The following PPFIA2 variants were observed in gnomAD, a reference collection of about 807,000 sequenced individuals.
The protein encoded by PPFIA2 is PPFI scaffold protein A2.
PPFIA2 carries 46 observed loss-of-function variants against 175.5 expected under a neutral mutation model. The ratio of observed to expected loss-of-function variants is 0.26; its 90% CI spans 0.21 to 0.34. The LOEUF is 0.34. PPFIA2 is among the 10% of genes least tolerant of loss of function. PPFIA2 has a pLI of 1.00. For synonymous variants in PPFIA2, 568 were observed against 511.4 expected (o/e 1.11, Z -1.49); for missense variants, 1,179 against 1,506.1 (o/e 0.78, Z 3.60).
At chr12:81,281,495 A>C (rs986558235) in intron 26 of PPFIA2, 45 bp from the exon 27 acceptor site, 19 of 1,356,190 alleles carry the variant, frequency 1.4e-5, no homozygotes, top group Non-Finnish European at 1.5e-5. Context: ...CAATCAGATA[A>C]GATGGTAATT....
chr12:81,637,944 TAATAA>T (rs1490533414), intron 4 of PPFIA2, among the ~76,000 whole-genome samples: 2 of 152,176 alleles, frequency 1.3e-5, no homozygotes, highest in Non-Finnish European at 2.9e-5. Flanking sequence ...CGAGATATAA[TAATAA>T]AATACTTACT....
At chr12:81,747,930 A>C (rs1284545632) in intron 3 of PPFIA2, among the ~76,000 whole-genome samples, 1 of 144,524 alleles carries the variant, frequency 6.9e-6, no homozygotes, top group Non-Finnish European at 1.6e-5. Context: ...CTGGTATTTT[A>C]AAATGCTCAG....
At chr12:81,477,491 G>C (rs2057630563) in intron 4 of PPFIA2, among the ~76,000 whole-genome samples, 1 of 152,178 alleles carries the variant, frequency 6.6e-6, no homozygotes, top group South Asian at 2.1e-4. Context: ...GGTCTTCAAA[G>C]GGAATGCTTC....
At chr12:81,280,649 C>A (rs2041877371) in intron 27 of PPFIA2, among the ~76,000 whole-genome samples, 1 of 152,026 alleles carries the variant, frequency 6.6e-6, no homozygotes, top group South Asian at 2.1e-4. Flanking sequence ...TTATAACAGA[C>A]CCCTTTTTAT....
At chr12:81,570,530 T>G (rs1201415875) in intron 4 of PPFIA2, among the ~76,000 whole-genome samples, 1 of 152,064 alleles carries the variant, frequency 6.6e-6, no homozygotes, top group African/African-American at 2.4e-5. Flanking sequence ...TCTTTAAAAA[T>G]TATCTATTGT....
intron 3 of PPFIA2, among the ~76,000 whole-genome samples, chr12:81,742,691 A>G (rs1407533358): frequency 6.6e-6 from 1 of 152,202 alleles, no homozygotes; most frequent in Non-Finnish European, 1.5e-5. Context: ...GGATGACATT[A>G]TCAATAGTGT....
intron 4 of PPFIA2, among the ~76,000 whole-genome samples, chr12:81,661,507 G>A (rs1036749688): frequency 2.0e-5 from 3 of 152,052 alleles, no homozygotes; most frequent in African/African-American, 7.2e-5. Context: ...AACTATCCTA[G>A]ATATATATGC....
intron 32 of PPFIA2, among the ~76,000 whole-genome samples, chr12:81,261,375 C>G (rs1331042707): frequency 6.6e-6 from 1 of 152,110 alleles, no homozygotes; most frequent in Admixed American, 6.5e-5. Flanking sequence ...CAACACCATG[C>G]CTGGCTACTT....
chr12:81,264,431 CT>C, intron 30 of PPFIA2, among the ~76,000 whole-genome samples: 1 of 152,028 alleles, frequency 6.6e-6, no homozygotes, highest in Middle Eastern at 3.2e-3. Context: ...CCACATAGGT[CT>C]TGTCTTCTCA....
At chr12:81,679,338 A>C (rs533231459) in intron 3 of PPFIA2, among the ~76,000 whole-genome samples, 56 of 151,348 alleles carry the variant, frequency 3.7e-4, no homozygotes, top group African/African-American at 1.3e-3. Flanking sequence ...AAGGCATATA[A>C]GTTATATTAA....
intron 4 of PPFIA2, among the ~76,000 whole-genome samples, chr12:81,656,215 G>A (rs1477068892): frequency 6.6e-6 from 1 of 151,878 alleles, no homozygotes; most frequent in African/African-American, 2.4e-5. Context: ...GCGTATTTTA[G>A]AATTTTTTTG....
chr12:81,360,886 G>A (rs962565384), intron 15 of PPFIA2, among the ~76,000 whole-genome samples: 1 of 151,378 alleles, frequency 6.6e-6, no homozygotes, highest in Non-Finnish European at 1.5e-5. Context: ...TATTTTATCT[G>A]CAAACCAAGC....
intron 3 of PPFIA2, among the ~76,000 whole-genome samples, chr12:81,708,037 G>A (rs1237726830): frequency 8.6e-6 from 1 of 116,360 alleles, no homozygotes; most frequent in African/African-American, 3.2e-5. Context: ...TGGGGGGAGG[G>A]GGGAGGGATA....
intron 4 of PPFIA2, among the ~76,000 whole-genome samples, chr12:81,611,538 C>T (rs1007730936): frequency 6.6e-6 from 1 of 152,142 alleles, no homozygotes; most frequent in Admixed American, 6.5e-5. Flanking sequence ...TTCAGCAGGG[C>T]CGTGGAGGCT....
chr12:81,527,278 A>G (rs1471379385), intron 4 of PPFIA2, among the ~76,000 whole-genome samples: 6 of 152,228 alleles, frequency 3.9e-5, no homozygotes, highest in Middle Eastern at 3.4e-3. Flanking sequence ...CACAATTTCA[A>G]TCATCCTAAG....
At chr12:81,259,756 T>C (rs1436624902) in intron 32 of PPFIA2, 96 bp from the exon 33 acceptor site, 5 of 1,035,258 alleles carry the variant, frequency 4.8e-6, no homozygotes, top group Non-Finnish European at 5.7e-6. Context: ...GCAGCCTGCT[T>C]ACTCCTGTCC....
At position 81,382,847 on chromosome 12, in the gene PPFIA2, C is replaced by A. The variant is rs74349284; in HGVS notation, c.984+1176G>T. On this transcript the variant is annotated intron_variant, in intron 9 of 32. Coordinates refer to ENST00000549396, the MANE Select transcript of PPFIA2 (RefSeq NM_003625.5). ...ATTGGGAATCCTAAGATGATGGTGG[C>A]TTTTGGAGCCATGAGACTGCAGAAA... is the stretch of plus-strand genomic sequence containing the variant. 1.5e-3 allele frequency among the ~76,000 whole-genome samples: 226 copies of A among 152,114 alleles called. 4 individuals carry two copies. In the East Asian group the frequency reaches 0.028, roughly 19 times the overall value.
chr12:81,576,154 G>T (rs1029431734), intron 4 of PPFIA2, among the ~76,000 whole-genome samples: 12 of 151,538 alleles, frequency 7.9e-5, no homozygotes, highest in Non-Finnish European at 1.3e-4. Flanking sequence ...TGTGAAATGT[G>T]CCTGATTAAG....
intron 4 of PPFIA2, among the ~76,000 whole-genome samples, chr12:81,628,743 C>T (rs2063020380): frequency 6.6e-6 from 1 of 152,106 alleles, no homozygotes; most frequent in Non-Finnish European, 1.5e-5. Context: ...TCAATAGCTC[C>T]TTTCTCTTTT....
Sources: allele counts gnomAD v4.1 joint callset (sites outside exome capture counted in the v4.1 genomes callset), GRCh38; gene constraint gnomAD v4.1.1; transcripts MANE v1.5; gene names NCBI Gene and HGNC (gene_info 2026-07-23, HGNC 2026-07-21).